Variants in FAM178B observed in about 807,000 individuals in gnomAD.
FAM178B encodes the protein family with sequence similarity 178 member B.
Under a neutral mutation model 91.7 loss-of-function variants are expected in FAM178B, and 82 were observed. The observed-to-expected ratio is 0.89, with a 90% CI of 0.75 to 1.07. The LOEUF (loss-of-function observed/expected upper bound fraction) is 1.07. FAM178B is among the 50% of genes least tolerant of loss of function. FAM178B has a pLI of 0.00. For missense variants in FAM178B, 769 were observed against 846.7 expected, an observed-to-expected ratio of 0.91 and a Z score of 1.14; for synonymous variants, 368 against 359.4, an observed-to-expected ratio of 1.02 and a Z score of -0.27.
chr2:96,941,587 A>G (rs1440557557), intron 8 of FAM178B, among the ~76,000 whole-genome samples: 1 of 152,268 alleles, frequency 6.6e-6, no homozygotes, highest in Non-Finnish European at 1.5e-5. Context: ...ACCCTGCTCA[A>G]GAACGTGAAA....
In FAM178B at chr2:96,921,623, C is replaced by T; in HGVS notation, c.1319G>A (p.Gly440Glu). The T allele has an allele frequency of 6.4e-7, 1 of 1,551,546 alleles. No homozygotes were observed. Among genetic ancestry groups the T allele is most frequent in the Non-Finnish European group, 8.7e-7 (1 of 1,146,984 alleles). ...FLALCAQAQPGAYTDENLMGL... is the reference protein window; with the variant it reads ...FLALCAQAQPEAYTDENLMGL... ...CATGAGGTTCTCATCAGTGTAGGCC[C>T]CCGGCTGGGCCTGGGCACACAGCGC... Residue 440 changes from glycine (G) to glutamate (E), a missense_variant, in exon 11 of 17, where the codon GGG becomes GAG. Gly to Glu is a moderately conservative substitution (Grantham distance 98). Transcript: ENST00000490605.
rs749672041 is a variant in FAM178B, at chr2:96,876,292, G to A, written c.2024C>T (p.Pro675Leu). The change falls in exon 17 of 17, where the codon CCC becomes CTC. Residue 675 changes from proline (P) to leucine (L), a missense_variant. Transcript: ENST00000490605. ...CCTGTCCCTTTAGATGTCTTTCCAG[G>A]GGCTGAAATACTGGGCCTGCGGCGA... ...HCQPQAQYFS[P>L]WKDI 6.2e-7 allele frequency: 1 copy of A among 1,607,088 alleles called. No individual in the cohort carries two copies. Among genetic ancestry groups the A allele is most frequent in the South Asian group, 1.1e-5 (1 of 88,842 alleles).
chr2:96,916,592 C>CT (rs2081244649), intron 12 of FAM178B, among the ~76,000 whole-genome samples: 2 of 152,334 alleles, frequency 1.3e-5, no homozygotes, highest in East Asian at 3.9e-4. Context: ...CTTCCCAAAG[C>CT]TGCCTGAGCT....
intron 3 of FAM178B, 138 bp downstream of exon 3, chr2:96,971,763 G>T: frequency 3.7e-6 from 3 of 808,232 alleles, no homozygotes; most frequent in Non-Finnish European, 5.3e-6. Context: ...CAAGGGCTGA[G>T]CAGGGATGGT....
chr2:96,970,624 C>T lies in FAM178B; in HGVS notation c.626+92G>A, dbSNP rs1559103880. On this transcript the variant is annotated intron_variant, in intron 4 of 16. Coordinates refer to ENST00000490605, the MANE Select transcript of FAM178B (RefSeq NM_001122646.3). ...CAGGCTGAGTCTGGGTGGGAGGCCG[C>T]TGTACTCCGACCAGACTCTGCAGTG... 16 of 1,011,042 alleles carry T rather than the reference C, an allele frequency of 1.6e-5. No homozygotes were observed. In the Middle Eastern group the frequency reaches 1.1e-3, roughly 68 times the overall value. 62.6% of individuals were successfully genotyped at this position (1,011,042 alleles called of 1,614,324 possible).
intron 1 of FAM178B, among the ~76,000 whole-genome samples, chr2:96,984,631 T>TGGC (rs1338012466): frequency 1.3e-5 from 2 of 152,356 alleles, no homozygotes; most frequent in South Asian, 4.1e-4. Flanking sequence ...AGGTGCTATC[T>TGGC]ACCAGTGATT....
chr2:96,889,048 G>A (rs1398867478), intron 14 of FAM178B, among the ~76,000 whole-genome samples: 2 of 152,218 alleles, frequency 1.3e-5, no homozygotes, highest in African/African-American at 4.8e-5. Flanking sequence ...CTTGATCTGG[G>A]TGGTGCCCCC....
At chr2:96,934,393 T>C (rs1489942026) in intron 8 of FAM178B, among the ~76,000 whole-genome samples, 2 of 151,854 alleles carry the variant, frequency 1.3e-5, no homozygotes, top group Admixed American at 6.6e-5. Context: ...GAGAGGCAGA[T>C]GGGGGCGAGA....
chr2:96,967,911 CTTTTTTTTTT>C (rs60965536), intron 4 of FAM178B, among the ~76,000 whole-genome samples: 9 of 62,444 alleles, frequency 1.4e-4, no homozygotes, highest in Non-Finnish European at 2.1e-4. Flanking sequence ...CCTGTTTGGT[CTTTTTTTTTT>C]TTTTTTTTTT....
chr2:96,904,728 G>C (rs1379411529), intron 12 of FAM178B, among the ~76,000 whole-genome samples: 3 of 151,764 alleles, frequency 2.0e-5, no homozygotes, highest in African/African-American at 7.3e-5. Context: ...ACAAACATGG[G>C]CATGCCAGCT....
chr2:96,968,616 G>A (rs72813605), intron 4 of FAM178B, among the ~76,000 whole-genome samples: 11 of 151,858 alleles, frequency 7.2e-5, no homozygotes, highest in Non-Finnish European at 1.2e-4. Flanking sequence ...CCCCTCCAAT[G>A]ACCCATGTCT....
Position 96,879,109 on chromosome 2 carries a change from T to C in FAM178B, c.1777-616A>G, listed in dbSNP as rs939640672. On this transcript the variant is annotated intron_variant, in intron 14 of 16. Transcript: ENST00000490605. ...CCCTGGACTCTTGGTACCCATTCAC[T>C]TATGGGATACGTGCTTGCTGTTTAG... Among the ~76,000 whole-genome samples the C allele has an allele frequency of 2.9e-4, 44 of 152,182 alleles. 1 individual carries two copies. Among genetic ancestry groups the C allele is most frequent in the Admixed American group, 2.8e-3 (43 of 15,286 alleles).
At chr2:96,971,832 G>A (rs2082222437) in intron 3 of FAM178B, 69 bp downstream of exon 3, 7 of 1,392,128 alleles carry the variant, frequency 5.0e-6, no homozygotes, top group African/African-American at 2.9e-5. Flanking sequence ...GGTGGCCTGG[G>A]GTGACTGTAA....
chr2:96,932,380 C>T (rs533336589), intron 8 of FAM178B, among the ~76,000 whole-genome samples: 45 of 152,338 alleles, frequency 3.0e-4, no homozygotes, highest in African/African-American at 7.9e-4. Context: ...CAGTTAAGTC[C>T]CTATCAGCAG....
intron 14 of FAM178B, among the ~76,000 whole-genome samples, chr2:96,886,326 C>T (rs1341030295): frequency 6.6e-6 from 1 of 152,234 alleles, no homozygotes; most frequent in Non-Finnish European, 1.5e-5. Flanking sequence ...AGACGGGCAC[C>T]TGACCCAAAC....
intron 1 of FAM178B, among the ~76,000 whole-genome samples, chr2:96,974,381 CA>C (rs1171601429): frequency 0.053 from 858 of 16,274 alleles, no homozygotes; most frequent in African/African-American, 0.062. Flanking sequence ...GACTCCATCT[CA>C]AAAAAAAAAA....
chr2:96,912,246 T>C (rs772798102), intron 12 of FAM178B, among the ~76,000 whole-genome samples: 3 of 152,044 alleles, frequency 2.0e-5, no homozygotes, highest in Non-Finnish European at 4.4e-5. Context: ...GTCTCAGCAC[T>C]GGGCTGCTGC....
In FAM178B at chr2:96,897,566, C is replaced by T. The variant is rs570506317; in HGVS notation, c.1651-3515G>A. Reference sequence around the variant, plus strand: ...GGGTAGGCAAAGGGCGTCTCCATCCCGCCTGTTGCACTGACCTAGAGTCCT... The same window carrying T: ...GGGTAGGCAAAGGGCGTCTCCATCCTGCCTGTTGCACTGACCTAGAGTCCT... On this transcript the variant is annotated intron_variant, in intron 13 of 16. Transcript: ENST00000490605. Among the ~76,000 whole-genome samples the T allele has an allele frequency of 2.5e-4, 38 of 152,310 alleles. No homozygotes were observed. The Middle Eastern group carries it at 0.01, about 41-fold the overall frequency.
chr2:96,942,793 G>C (rs1027431808), intron 8 of FAM178B, among the ~76,000 whole-genome samples: 10 of 152,074 alleles, frequency 6.6e-5, no homozygotes, highest in South Asian at 2.1e-4. Context: ...CTAGCATAAG[G>C]GTAGACATAT....
Sources: allele counts gnomAD v4.1 joint callset (sites outside exome capture counted in the v4.1 genomes callset), GRCh38; gene constraint gnomAD v4.1.1; transcripts MANE v1.5; gene names NCBI Gene and HGNC (gene_info 2026-07-23, HGNC 2026-07-21).